Variants in PPFIA2 observed in about 807,000 individuals in gnomAD.
PPFIA2 encodes the protein PPFI scaffold protein A2, also known as liprin-alpha-2.
A neutral mutation model predicts 175.5 loss-of-function variants in PPFIA2; 46 were observed. The observed-to-expected ratio is 0.26, with a 90% CI of 0.21 to 0.34. The LOEUF (loss-of-function observed/expected upper bound fraction) is 0.34. Ranked by LOEUF, PPFIA2 falls within the 10% of genes least tolerant of loss-of-function variation. The pLI, the probability that PPFIA2 is intolerant of heterozygous loss-of-function variation, is 1.00. For missense variants in PPFIA2, 1,179 were observed against 1,506.1 expected, an observed-to-expected ratio of 0.78 and a Z score of 3.60; for synonymous variants, 568 against 511.4, an observed-to-expected ratio of 1.11 and a Z score of -1.49.
intron 21 of PPFIA2, among the ~76,000 whole-genome samples, chr12:81,337,917 G>A (rs1439050333): frequency 6.6e-6 from 1 of 151,882 alleles, no homozygotes; most frequent in South Asian, 2.1e-4. Flanking sequence ...TTTTCCTCAT[G>A]CAATAATATT....
chr12:81,743,476 G>A (rs2082623176), intron 3 of PPFIA2, among the ~76,000 whole-genome samples: 1 of 148,912 alleles, frequency 6.7e-6, no homozygotes, highest in South Asian at 2.1e-4. Context: ...ATAAATGGTG[G>A]GGTGGCATCT....
intron 4 of PPFIA2, among the ~76,000 whole-genome samples, chr12:81,462,755 C>T (rs1331571406): frequency 1.3e-5 from 2 of 151,422 alleles, no homozygotes; most frequent in African/African-American, 4.8e-5. Flanking sequence ...ATTATGAAAG[C>T]ATAATTTTGT....
At chr12:81,512,486 C>A in intron 4 of PPFIA2, 1 of 356,688 alleles carries the variant, frequency 2.8e-6, no homozygotes, top group Non-Finnish European at 4.4e-6. Flanking sequence ...TTTTATTGCA[C>A]TTAAAAATAA....
At chr12:81,713,434 A>G (rs1332423917) in intron 3 of PPFIA2, among the ~76,000 whole-genome samples, 1 of 151,258 alleles carries the variant, frequency 6.6e-6, no homozygotes, top group African/African-American at 2.4e-5. Flanking sequence ...ATTTCTATTG[A>G]TAGGTCTCAA....
At position 81,495,515 on chromosome 12, in the gene PPFIA2, ATG is replaced by A. The variant is rs200197662; in HGVS notation, c.304-37651_304-37650del. The stretch of plus-strand genomic sequence containing the variant: ...TACACTTAAATACTTTGATTTTAAA[ATG>A]TGTAGGGCTAGGTATGGTGGCTCAT... On this transcript the variant is annotated intron_variant, in intron 4 of 32. Coordinates refer to ENST00000549396, the MANE Select transcript of PPFIA2 (RefSeq NM_003625.5). Among the ~76,000 whole-genome samples the A allele has an allele frequency of 1.7e-3, 258 of 152,250 alleles. 2 individuals carry two copies. The highest frequency in any genetic ancestry group is 6.1e-3 in the African/African-American group (252 of 41,562).
chr12:81,648,451 A>G (rs1394387962), intron 4 of PPFIA2, among the ~76,000 whole-genome samples: 1 of 152,092 alleles, frequency 6.6e-6, no homozygotes, highest in Admixed American at 6.5e-5. Context: ...TCAACAAAAA[A>G]TGGAAATTAA....
intron 4 of PPFIA2, among the ~76,000 whole-genome samples, chr12:81,618,934 G>A (rs1292307374): frequency 6.6e-6 from 1 of 151,978 alleles, no homozygotes; most frequent in Non-Finnish European, 1.5e-5. Context: ...AATAGTCTAG[G>A]CTTTATATTA....
intron 16 of PPFIA2, among the ~76,000 whole-genome samples, chr12:81,355,881 G>A (rs1035216734): frequency 6.6e-6 from 1 of 152,118 alleles, no homozygotes; most frequent in Admixed American, 6.6e-5. Flanking sequence ...TCAAATTTAC[G>A]TAGACCACTA....
chr12:81,266,351 C>A (rs2037261755), intron 30 of PPFIA2, among the ~76,000 whole-genome samples: 1 of 152,172 alleles, frequency 6.6e-6, no homozygotes, highest in Non-Finnish European at 1.5e-5. Flanking sequence ...TGTATTCATT[C>A]ATCTCGGGAG....
At chr12:81,656,618 A>T (rs2067832618) in intron 4 of PPFIA2, among the ~76,000 whole-genome samples, 2 of 152,198 alleles carry the variant, frequency 1.3e-5, no homozygotes, top group African/African-American at 2.4e-5. Context: ...AAAAATTTTT[A>T]AAAATAGGAT....
intron 4 of PPFIA2, among the ~76,000 whole-genome samples, chr12:81,661,307 T>G (rs2068822023): frequency 6.6e-6 from 1 of 152,074 alleles, no homozygotes; most frequent in African/African-American, 2.4e-5. Flanking sequence ...GAAACCCATC[T>G]CACGTGCAGA....
chr12:81,743,964 A>G (rs1433101909), intron 3 of PPFIA2, among the ~76,000 whole-genome samples: 6 of 152,248 alleles, frequency 3.9e-5, no homozygotes, highest in African/African-American at 1.2e-4. Context: ...GATAAAATTA[A>G]TACATCTAAA....
intron 4 of PPFIA2, among the ~76,000 whole-genome samples, chr12:81,636,900 GC>G (rs889884875): frequency 5.3e-5 from 8 of 152,014 alleles, no homozygotes; most frequent in African/African-American, 1.2e-4. Flanking sequence ...TGATCCTCCT[GC>G]CTTGGCCTCC....
intron 4 of PPFIA2, among the ~76,000 whole-genome samples, chr12:81,570,357 GT>G (rs1352568151): frequency 1.3e-5 from 2 of 151,972 alleles, no homozygotes; most frequent in Non-Finnish European, 2.9e-5. Context: ...CCACACTAAA[GT>G]TTTTTTCTCC....
At chr12:81,601,159 C>G (rs1162223333) in intron 4 of PPFIA2, among the ~76,000 whole-genome samples, 1 of 151,738 alleles carries the variant, frequency 6.6e-6, no homozygotes, top group Non-Finnish European at 1.5e-5. Flanking sequence ...TTAAAAGAGG[C>G]AGGAGGGAGA....
chr12:81,678,588 A>G (rs1457613755), intron 3 of PPFIA2, among the ~76,000 whole-genome samples: 1 of 151,964 alleles, frequency 6.6e-6, no homozygotes, highest in East Asian at 1.9e-4. Flanking sequence ...AAATGTATAT[A>G]TATTTTTTCT....
intron 3 of PPFIA2, among the ~76,000 whole-genome samples, chr12:81,737,627 A>G (rs113850502): frequency 3.2e-4 from 48 of 152,182 alleles, no homozygotes; most frequent in African/African-American, 1.1e-3. Flanking sequence ...CTCATATTCA[A>G]GTTAGCAGAA....
intron 4 of PPFIA2, among the ~76,000 whole-genome samples, chr12:81,626,793 C>A (rs1283969839): frequency 6.6e-6 from 1 of 151,932 alleles, no homozygotes; most frequent in African/African-American, 2.4e-5. Flanking sequence ...TTAGGGTGAG[C>A]AAGGATTTTT....
intron 3 of PPFIA2, among the ~76,000 whole-genome samples, chr12:81,701,099 G>A (rs953820402): frequency 3.3e-5 from 5 of 152,108 alleles, no homozygotes; most frequent in Non-Finnish European, 5.9e-5. Context: ...GCTTCCTTCT[G>A]CACATACAGG....
Sources: allele counts gnomAD v4.1 joint callset (sites outside exome capture counted in the v4.1 genomes callset), GRCh38; gene constraint gnomAD v4.1.1; transcripts MANE v1.5; gene names NCBI Gene and HGNC (gene_info 2026-07-23, HGNC 2026-07-21).